Variants in IL17RD observed in about 807,000 individuals in gnomAD.
IL17RD encodes interleukin-17 receptor D.
A neutral mutation model predicts 80.5 loss-of-function variants in IL17RD; 52 were observed. The ratio of observed to expected loss-of-function variants is 0.65; its 90% CI spans 0.52 to 0.81. The LOEUF (loss-of-function observed/expected upper bound fraction) is 0.81, where lower values mean the gene tolerates loss of function less well. Ranked by LOEUF, IL17RD falls within the 40% of genes least tolerant of loss-of-function variation. The pLI is 0.00. For missense variants in IL17RD, 1,024 were observed against 955.1 expected (o/e 1.07, Z -0.95); for synonymous variants, 416 against 391.8 (o/e 1.06, Z -0.73).
At position 57,096,522 on chromosome 3, in the gene IL17RD, G is replaced by T; in HGVS notation, c.2108-17C>A. ...CCTCCTCACCTAAGGAGAGAAGAGA[G>T]TACAGAGTCACACTGTCATTGCATT... On this transcript the variant is annotated splice_polypyrimidine_tract_variant and intron_variant, in intron 12 of 12. Transcript: ENST00000296318. 1 of 1,513,932 alleles carries T rather than the reference G, an allele frequency of 6.6e-7. No homozygotes were observed. The highest frequency in any genetic ancestry group is 9.2e-7 in the Non-Finnish European group (1 of 1,088,614). The allele number at this position is 1,513,932 out of a possible 1,614,324, so 93.8% of individuals were successfully genotyped here.
intron 1 of IL17RD, among the ~76,000 whole-genome samples, chr3:57,137,937 C>T (rs1692564275): frequency 6.6e-6 from 1 of 152,178 alleles, no homozygotes; most frequent in Non-Finnish European, 1.5e-5. Context: ...ACCAAATCTT[C>T]ATCAACTTCC....
chr3:57,136,641 C>CAAAAA (rs59941543), intron 1 of IL17RD, among the ~76,000 whole-genome samples: 6 of 48,106 alleles, frequency 1.2e-4, no homozygotes, highest in East Asian at 5.3e-4. Flanking sequence ...AACCCCCACT[C>CAAAAA]AAAAAAAAAA....
chr3:57,127,414 T>TATATATA (rs1341490473), intron 1 of IL17RD, among the ~76,000 whole-genome samples: 1 of 74,494 alleles, frequency 1.3e-5, no homozygotes, highest in African/African-American at 4.5e-5. Flanking sequence ...ATATATATAT[T>TATATATA]TTTTTTTTGA....
chr3:57,139,640 G>A (rs1707793621), intron 1 of IL17RD, among the ~76,000 whole-genome samples: 4 of 151,870 alleles, frequency 2.6e-5, no homozygotes, highest in Admixed American at 1.3e-4. Flanking sequence ...AGCCTCCTGG[G>A]TAGCTGGGAG....
rs545985578 is a variant in IL17RD at position 57,090,192 on chromosome 3, C to T, written c.*6201G>A. ...ACAAAGGGCAAACTCAAAGATGAAA[C>T]AAAGGCAACGCCATCAATAACCACC... On this transcript the variant is annotated 3_prime_UTR_variant, in exon 13 of 13. Coordinates refer to ENST00000296318, the MANE Select transcript of IL17RD (RefSeq NM_017563.5). The T allele has an allele frequency of 1.3e-3, 200 of 152,732 alleles. No individual in the cohort carries two copies. Among genetic ancestry groups the T allele is most frequent in the Non-Finnish European group, 2.2e-3 (147 of 68,038 alleles). The allele number at this position is 152,732 out of a possible 1,614,324, so 9.5% of individuals were successfully genotyped here.
In IL17RD at chr3:57,096,273, C is replaced by A; in HGVS notation, c.*120G>T. The stretch of plus-strand genomic sequence containing the variant: ...GGAGAACAAGTACTGGCCAGCATTT[C>A]ACTCCAAATATCCTTGTATGAGACC... On this transcript the variant is annotated 3_prime_UTR_variant, in exon 13 of 13. Coordinates refer to ENST00000296318, the MANE Select transcript of IL17RD (RefSeq NM_017563.5). 2 of 726,228 alleles carry A rather than the reference C, an allele frequency of 2.8e-6. No individual in the cohort carries two copies. Among genetic ancestry groups the A allele is most frequent in the South Asian group, 1.6e-5 (1 of 63,646 alleles). 45.0% of individuals were successfully genotyped at this position (726,228 alleles called of 1,614,324 possible). A position where few individuals can be genotyped will look rare whatever the true frequency, so the allele number is the denominator to read the frequency against.
intron 1 of IL17RD, among the ~76,000 whole-genome samples, chr3:57,137,732 A>G (rs1160767842): frequency 6.6e-6 from 1 of 152,208 alleles, no homozygotes; most frequent in African/African-American, 2.4e-5. Flanking sequence ...TCTTCCCTCC[A>G]TGACAAAAAA....
chr3:57,130,039 C>T (rs960966316), intron 1 of IL17RD, among the ~76,000 whole-genome samples: 3 of 152,228 alleles, frequency 2.0e-5, no homozygotes, highest in African/African-American at 4.8e-5. Context: ...TCTAATCCCA[C>T]CCTGCAGGGC....
intron 2 of IL17RD, 55 bp downstream of exon 2, chr3:57,120,201 A>T: frequency 7.4e-7 from 1 of 1,346,800 alleles, no homozygotes; most frequent in East Asian, 2.3e-5. Flanking sequence ...ATGGCTATGT[A>T]ATCTCTAGAT....
rs190735819 is a variant in IL17RD at position 57,113,445 on chromosome 3, C to G, written c.310+1247G>C. Among the ~76,000 whole-genome samples, 9 of 152,280 alleles carry G rather than the reference C, an allele frequency of 5.9e-5. No individual in the cohort carries two copies. The East Asian group carries it at 1.4e-3, about 23-fold the overall frequency. Reference sequence around the variant, plus strand: ...GGAGACGGGGTTTCACCATGTTGGTCAGGCTAGTCTCAAACTCCTGACCTC... The same window carrying G: ...GGAGACGGGGTTTCACCATGTTGGTGAGGCTAGTCTCAAACTCCTGACCTC... On this transcript the variant is annotated intron_variant, in intron 3 of 12. Transcript: ENST00000296318.
chr3:57,159,156 T>C (rs973775160), intron 1 of IL17RD, among the ~76,000 whole-genome samples: 1 of 151,968 alleles, frequency 6.6e-6, no homozygotes, highest in Non-Finnish European at 1.5e-5. Flanking sequence ...CATTTACATT[T>C]ATGCACTCAG....
chr3:57,096,258 T>G lies in IL17RD; in HGVS notation c.*135A>C. On this transcript the variant is annotated 3_prime_UTR_variant, in exon 13 of 13. Coordinates refer to ENST00000296318, the MANE Select transcript of IL17RD (RefSeq NM_017563.5). ...AAGGGTTGGGGCAAGGGAGAACAAG[T>G]ACTGGCCAGCATTTCACTCCAAATA... is the stretch of plus-strand genomic sequence containing the variant. 1 of 681,636 alleles carries G rather than the reference T, an allele frequency of 1.5e-6. No individual in the cohort carries two copies. 42.2% of individuals were successfully genotyped at this position (681,636 alleles called of 1,614,324 possible). A position where few individuals can be genotyped will look rare whatever the true frequency, so the allele number is the denominator to read the frequency against.
chr3:57,114,337 T>A (rs534639149), intron 3 of IL17RD, among the ~76,000 whole-genome samples: 20 of 152,356 alleles, frequency 1.3e-4, no homozygotes, highest in African/African-American at 4.8e-4. Flanking sequence ...TAATGCTGGA[T>A]GGCCATTACG....
At chr3:57,126,913 C>T (rs1460187333) in intron 1 of IL17RD, among the ~76,000 whole-genome samples, 1 of 149,300 alleles carries the variant, frequency 6.7e-6, no homozygotes, top group Non-Finnish European at 1.5e-5. Flanking sequence ...CAACCTCCGC[C>T]TCCCAGGTTC....
At chr3:57,162,246 C>T (rs1041928206) in intron 1 of IL17RD, among the ~76,000 whole-genome samples, 4 of 152,236 alleles carry the variant, frequency 2.6e-5, no homozygotes, top group African/African-American at 9.6e-5. Context: ...CAGCTCTGCT[C>T]CAGCACCTAA....
rs1560189365 is a variant in IL17RD, at chr3:57,091,642, C to T, written c.*4751G>A. 6.6e-6 allele frequency: 1 copy of T among 152,576 alleles called. No individual in the cohort carries two copies. The highest frequency in any genetic ancestry group is 2.1e-4 in the South Asian group (1 of 4,834). The allele number at this position is 152,576 out of a possible 1,614,324, so 9.5% of individuals were successfully genotyped here. ...ATTATTTATCACTGAAATAAAAACA[C>T]CAGGGGGATGACTTCACTGTGGTTT... On this transcript the variant is annotated 3_prime_UTR_variant, in exon 13 of 13. Coordinates refer to ENST00000296318, the MANE Select transcript of IL17RD (RefSeq NM_017563.5).
In IL17RD at chr3:57,098,524, C is replaced by T; in HGVS notation, c.1179G>A (p.Leu393=). 2 of 1,603,054 alleles carry T rather than the reference C, an allele frequency of 1.2e-6. No individual in the cohort carries two copies. The highest frequency in any genetic ancestry group is 1.7e-6 in the Non-Finnish European group (2 of 1,173,520). ...CTCTACAGAGGCTGAAGTCTTCCCA[C>T]AGGTCCAGAGCCACCTGGAAAGAGA... The part of the protein sequence containing the change: ...DFCGCEVALD[L]WEDFSLCREG... The change falls in exon 12 of 13, where the codon CTG becomes CTA. Residue 393 remains leucine (L), a synonymous_variant. Transcript: ENST00000296318.
chr3:57,103,093 G>A lies in IL17RD; in HGVS notation c.866C>T (p.Pro289Leu), dbSNP rs1478774931. The change falls in exon 9 of 13, where the codon CCA becomes CTA. Residue 289 changes from proline (P) to leucine (L), a missense_variant and splice_region_variant. Pro to Leu is a moderately conservative substitution (Grantham distance 98, BLOSUM62 -3). Transcript: ENST00000296318. ...TRKVMHYALKPVHSPWAGPIR... is the reference protein window; with the variant it reads ...TRKVMHYALKLVHSPWAGPIR... ...ATTTCAAACAAAAAAGCACCTACCT[G>A]GCTTTAAGGCATAATGCATCACTTT... 1 of 1,596,466 alleles carries A rather than the reference G, an allele frequency of 6.3e-7. No homozygotes were observed. Among genetic ancestry groups the A allele is most frequent in the Admixed American group, 1.7e-5 (1 of 57,668 alleles).
At chr3:57,164,552 A>G (rs574791691) in intron 1 of IL17RD, among the ~76,000 whole-genome samples, 1 of 152,312 alleles carries the variant, frequency 6.6e-6, no homozygotes, top group South Asian at 2.1e-4. Context: ...GACCTTCACA[A>G]GACGAAGGGC....
Sources: allele counts gnomAD v4.1 joint callset (sites outside exome capture counted in the v4.1 genomes callset), GRCh38; gene constraint gnomAD v4.1.1; transcripts MANE v1.5; gene names NCBI Gene and HGNC (gene_info 2026-07-23, HGNC 2026-07-21).